The following DLGAP2 variants were observed in gnomAD, a reference collection of about 807,000 sequenced individuals.
The protein encoded by DLGAP2 is disks large-associated protein 2.
In DLGAP2, 26 loss-of-function variants were observed where a neutral mutation model predicts 100.3. The ratio of observed to expected loss-of-function variants is 0.26; its 90% confidence interval spans 0.19 to 0.36. DLGAP2 has a LOEUF of 0.36. DLGAP2 is among the 10% of genes least tolerant of loss of function. DLGAP2 has a pLI of 1.00. For missense variants in DLGAP2, 1,858 were observed against 1,453.2 expected, an observed-to-expected ratio of 1.28 and a Z score of -4.53; for synonymous variants, 886 against 630.1, an observed-to-expected ratio of 1.41 and a Z score of -6.08.
At chr8:1,018,619 C>T (rs1223829342) in intron 2 of DLGAP2, 6 of 152,218 alleles carry the variant, frequency 3.9e-5, no homozygotes, top group Admixed American at 3.9e-4. Flanking sequence ...TTTATCTGTC[C>T]TCATAATTAC....
chr8:1,069,851 A>G (rs769653130), intron 2 of DLGAP2, among the ~76,000 whole-genome samples: 3 of 152,100 alleles, frequency 2.0e-5, no homozygotes, highest in African/African-American at 4.8e-5. Context: ...TGGCTGCCTC[A>G]CGTCTGCGGA....
chr8:1,529,573 C>G (rs1336618757), intron 4 of DLGAP2, among the ~76,000 whole-genome samples: 3 of 152,154 alleles, frequency 2.0e-5, no homozygotes, highest in African/African-American at 7.2e-5. Flanking sequence ...GAGTGAGTCA[C>G]CAGGTGCTGT....
intron 3 of DLGAP2, among the ~76,000 whole-genome samples, chr8:1,276,088 G>A (rs1799688091): frequency 7.4e-6 from 1 of 135,990 alleles, no homozygotes; most frequent in African/African-American, 2.8e-5. Context: ...ATAAATAAAT[G>A]TGTATATAAT....
chr8:1,190,949 C>T (rs1032432410), intron 2 of DLGAP2, among the ~76,000 whole-genome samples: 8 of 152,126 alleles, frequency 5.3e-5, no homozygotes, highest in African/African-American at 1.9e-4. Context: ...GTGCGACATC[C>T]CCAGCAGCGC....
Position 1,356,146 on chromosome 8 carries a change from G to T in DLGAP2, c.106+97263G>T, listed in dbSNP as rs571380968. On this transcript the variant is annotated intron_variant, in intron 3 of 14. Coordinates refer to ENST00000637795, the MANE Select transcript of DLGAP2 (RefSeq NM_001346810.2). ...ACGGACGGTTCGTGTGGACCTCACA[G>T]CCCCTGCATGGCTCTTGCCCTGTGG... 7.6e-4 allele frequency among the ~76,000 whole-genome samples: 115 copies of T among 152,310 alleles called. 3 individuals are homozygous for T. In the South Asian group the frequency reaches 0.023, roughly 31 times the overall value.
At chr8:1,543,819 T>C (rs1801443368) in intron 4 of DLGAP2, among the ~76,000 whole-genome samples, 1 of 152,232 alleles carries the variant, frequency 6.6e-6, no homozygotes, top group Non-Finnish European at 1.5e-5. Context: ...ACATAGGATG[T>C]CTTTTCATTT....
chr8:1,060,413 C>T (rs539729197), intron 2 of DLGAP2, among the ~76,000 whole-genome samples: 17 of 151,584 alleles, frequency 1.1e-4, no homozygotes, highest in Non-Finnish European at 2.1e-4. Context: ...TTGGTCCCTC[C>T]GCTGTGTCCT....
Position 840,627 on chromosome 8 carries a change from G to A in DLGAP2, c.19-67285G>A, listed in dbSNP as rs56151649. 6.4e-4 allele frequency among the ~76,000 whole-genome samples: 47 copies of A among 73,696 alleles called. 1 individual carries two copies. Among genetic ancestry groups the A allele is most frequent in the Middle Eastern group, 6.7e-3 (1 of 150 alleles). 48.3% of individuals were successfully genotyped at this position (73,696 alleles called of 152,430 possible). On this transcript the variant is annotated intron_variant, in intron 1 of 14. Transcript: ENST00000637795. ...GATTCTGCGAGCGCGTCCACACGGT[G>A]CACGCCTGCATGTCTCCCTACACTC...
intron 3 of DLGAP2, among the ~76,000 whole-genome samples, chr8:1,341,167 C>T (rs903028006): frequency 1.3e-5 from 2 of 152,136 alleles, no homozygotes; most frequent in Non-Finnish European, 2.9e-5. Context: ...ATAATCTGTA[C>T]AACAAATCCC....
chr8:1,493,036 G>A (rs543183150), intron 3 of DLGAP2, among the ~76,000 whole-genome samples: 1 of 152,224 alleles, frequency 6.6e-6, no homozygotes, highest in Non-Finnish European at 1.5e-5. Context: ...CAGGATCTCA[G>A]GGGCAGGCTG....
chr8:845,873 A>G (rs1347476094), intron 1 of DLGAP2, among the ~76,000 whole-genome samples: 1 of 152,186 alleles, frequency 6.6e-6, no homozygotes, highest in Non-Finnish European at 1.5e-5. Context: ...TTTCTTTGGC[A>G]TTTGGCTGTC....
chr8:1,044,130 G>A (rs1351604252), intron 2 of DLGAP2, among the ~76,000 whole-genome samples: 1 of 152,144 alleles, frequency 6.6e-6, no homozygotes, highest in Non-Finnish European at 1.5e-5. Flanking sequence ...TACTACCACA[G>A]TCCTCCTTGT....
At chr8:916,714 T>C (rs1280565876) in intron 2 of DLGAP2, among the ~76,000 whole-genome samples, 2 of 152,196 alleles carry the variant, frequency 1.3e-5, no homozygotes, top group African/African-American at 2.4e-5. Context: ...GCTTCTCCAG[T>C]GTCAATGCAG....
At chr8:1,594,268 C>G (rs914865483) in intron 6 of DLGAP2, among the ~76,000 whole-genome samples, 1 of 151,976 alleles carries the variant, frequency 6.6e-6, no homozygotes, top group African/African-American at 2.4e-5. Context: ...GAAACTGACC[C>G]TAGTGAAATG....
chr8:825,391 G>T (rs1359684172), intron 1 of DLGAP2, among the ~76,000 whole-genome samples: 3 of 152,176 alleles, frequency 2.0e-5, no homozygotes, highest in African/African-American at 7.2e-5. Context: ...GCTTTCCTGG[G>T]TGTGGAGGCT....
chr8:1,595,635 CCG>C (rs1563245576), intron 6 of DLGAP2, among the ~76,000 whole-genome samples: 1 of 147,746 alleles, frequency 6.8e-6, no homozygotes, highest in Non-Finnish European at 1.5e-5. Context: ...CCACTGCAGT[CCG>C]CAGTCCCGCC....
chr8:1,080,286 G>A (rs1046083433), intron 2 of DLGAP2, among the ~76,000 whole-genome samples: 4 of 152,176 alleles, frequency 2.6e-5, no homozygotes, highest in South Asian at 2.1e-4. Context: ...CCGCCCCGCC[G>A]CCCGCGTGCT....
intron 2 of DLGAP2, among the ~76,000 whole-genome samples, chr8:1,158,170 T>C (rs984019889): frequency 2.6e-5 from 4 of 152,200 alleles, no homozygotes; most frequent in African/African-American, 9.6e-5. Context: ...CTCAAACATA[T>C]TTGGTCAGCC....
chr8:1,339,780 C>A (rs959343887), intron 3 of DLGAP2, among the ~76,000 whole-genome samples: 3 of 152,128 alleles, frequency 2.0e-5, no homozygotes, highest in South Asian at 2.1e-4. Flanking sequence ...TCCAGATACT[C>A]CAAATAGCAT....
Sources: allele counts gnomAD v4.1 joint callset (sites outside exome capture counted in the v4.1 genomes callset), GRCh38; gene constraint gnomAD v4.1.1; transcripts MANE v1.5; gene names NCBI Gene and HGNC (gene_info 2026-07-23, HGNC 2026-07-21).